Variants in TBX20 observed in about 807,000 individuals in gnomAD.
The protein encoded by TBX20 is T-box transcription factor 20.
TBX20 carries 8 observed loss-of-function variants against 42.9 expected under a neutral mutation model. The observed-to-expected ratio is 0.19, with a 90% confidence interval of 0.11 to 0.34. The LOEUF (loss-of-function observed/expected upper bound fraction) is 0.34, where lower values mean the gene tolerates loss of function less well. Ranked by LOEUF, TBX20 falls within the 10% of genes least tolerant of loss-of-function variation. TBX20 has a pLI of 1.00. For synonymous variants in TBX20, 198 were observed against 222.8 expected (o/e 0.89, Z 0.99); for missense variants, 411 against 566.0 (o/e 0.73, Z 2.78).
intron 5 of TBX20, among the ~76,000 whole-genome samples, chr7:35,232,803 T>C (rs1344095119): frequency 3.3e-5 from 5 of 152,136 alleles, no homozygotes; most frequent in African/African-American, 1.2e-4. Context: ...GGTGGGCAGA[T>C]CATAAGGTCA....
intron 6 of TBX20, among the ~76,000 whole-genome samples, chr7:35,219,242 T>G (rs141809331): frequency 1.3e-5 from 2 of 151,968 alleles, no homozygotes; most frequent in Admixed American, 6.6e-5. Flanking sequence ...GCAGAAAACT[T>G]TTTTCTGTAA....
At chr7:35,237,813 TG>T (rs1789995217) in intron 5 of TBX20, among the ~76,000 whole-genome samples, 1 of 152,080 alleles carries the variant, frequency 6.6e-6, no homozygotes, top group Admixed American at 6.6e-5. Context: ...CTGTTAAGGA[TG>T]ATCATCATCG....
At chr7:35,239,994 C>T (rs982138439) in intron 5 of TBX20, among the ~76,000 whole-genome samples, 1 of 152,156 alleles carries the variant, frequency 6.6e-6, no homozygotes, top group African/African-American at 2.4e-5. Context: ...AGGTGATCCA[C>T]CCACCCTGGC....
rs543215228 is a variant in TBX20, at chr7:35,252,318, T to C, written c.127+1176A>G. ...GATTGTCTCCATTCTTTGGCAGGTT[T>C]AGATTTAGATGGGAGGTGGGTGGGA... On this transcript the variant is annotated intron_variant, in intron 1 of 7. Transcript: ENST00000408931. Among the ~76,000 whole-genome samples the C allele has an allele frequency of 2.0e-5, 3 of 152,288 alleles. No individual in the cohort carries two copies. In the East Asian group the frequency reaches 5.8e-4, roughly 29 times the overall value.
chr7:35,202,915 G>T (rs529461529), intron 7 of TBX20, 145 bp from the exon 8 acceptor site: 2 of 1,447,604 alleles, frequency 1.4e-6, no homozygotes, highest in Admixed American at 4.2e-5. Flanking sequence ...GATCTGTCAC[G>T]AGGCAAATCT....
intron 6 of TBX20, among the ~76,000 whole-genome samples, chr7:35,229,319 G>T (rs978544195): frequency 2.0e-5 from 3 of 152,104 alleles, no homozygotes; most frequent in Non-Finnish European, 4.4e-5. Context: ...TTACTAGATG[G>T]TTTAGTGCAG....
Position 35,249,924 on chromosome 7 carries a change from A to G in TBX20, c.380+27T>C. 6.3e-7 allele frequency: 1 copy of G among 1,580,268 alleles called. No individual in the cohort carries two copies. Among genetic ancestry groups the G allele is most frequent in the South Asian group, 1.2e-5 (1 of 84,978 alleles). The stretch of plus-strand genomic sequence containing the variant: ...GGGAGTGTCCTGACTCTCCACCCCC[A>G]ACCCCCAACCCCCAAGTCCCAACTA... On this transcript the variant is annotated intron_variant, in intron 2 of 7. Transcript: ENST00000408931. This position sits in a 1 kb window ranked among gnomAD's most constrained non-coding sequence, Gnocchi z 4.3.
chr7:35,235,800 A>C (rs1039676664), intron 5 of TBX20, among the ~76,000 whole-genome samples: 1 of 152,142 alleles, frequency 6.6e-6, no homozygotes, highest in Admixed American at 6.5e-5. Context: ...TGCAAAAGAG[A>C]AGGGGACCTT....
intron 6 of TBX20, among the ~76,000 whole-genome samples, chr7:35,219,063 C>G (rs1472111905): frequency 6.6e-6 from 1 of 152,126 alleles, no homozygotes; most frequent in African/African-American, 2.4e-5. Context: ...GTTATAACAG[C>G]CCAGTTGAAC....
chr7:35,221,519 A>C (rs1789684358), intron 6 of TBX20, among the ~76,000 whole-genome samples: 1 of 152,180 alleles, frequency 6.6e-6, no homozygotes, highest in Non-Finnish European at 1.5e-5. Flanking sequence ...CCAACAAAGA[A>C]AGACAATGGG....
At chr7:35,237,430 T>C (rs1789986722) in intron 5 of TBX20, among the ~76,000 whole-genome samples, 1 of 151,802 alleles carries the variant, frequency 6.6e-6, no homozygotes, top group South Asian at 2.1e-4. Flanking sequence ...TTAGCTGTGA[T>C]AAAGATGTTG....
At chr7:35,235,881 T>C (rs553718505) in intron 5 of TBX20, among the ~76,000 whole-genome samples, 9 of 152,206 alleles carry the variant, frequency 5.9e-5, no homozygotes, top group Non-Finnish European at 8.8e-5. Context: ...CAAGGTAAAA[T>C]TGGCCCTCAG....
intron 6 of TBX20, among the ~76,000 whole-genome samples, chr7:35,227,332 G>A (rs955182408): frequency 6.6e-5 from 10 of 152,094 alleles, no homozygotes; most frequent in African/African-American, 2.4e-4. Flanking sequence ...AAAGTCTACA[G>A]TAGTGTACAG....
At chr7:35,216,101 CT>C (rs1409365652) in intron 6 of TBX20, among the ~76,000 whole-genome samples, 1 of 152,170 alleles carries the variant, frequency 6.6e-6, no homozygotes, top group African/African-American at 2.4e-5. Context: ...CACTACTACG[CT>C]GCTGGCCCTT....
intron 6 of TBX20, among the ~76,000 whole-genome samples, chr7:35,209,820 C>G (rs1789463032): frequency 6.6e-6 from 1 of 152,182 alleles, no homozygotes; most frequent in African/African-American, 2.4e-5. Flanking sequence ...AATGTTTTAG[C>G]AGAATCCTGC....
In TBX20 at chr7:35,249,438, C is replaced by A. The variant is rs1171925208; in HGVS notation, c.380+513G>T. ...GCCCGGCTCTGGCGCCAAGAGGCCCCGAGCAGTGCTCCTTCCTACAGGGAA... is the reference window on the plus strand; with the variant it reads ...GCCCGGCTCTGGCGCCAAGAGGCCCAGAGCAGTGCTCCTTCCTACAGGGAA... On this transcript the variant is annotated intron_variant, in intron 2 of 7. Transcript: ENST00000408931. The surrounding 1 kb of genome is among the most constrained non-coding windows in gnomAD (Gnocchi z 4.3). Among the ~76,000 whole-genome samples, 1 of 152,238 alleles carries A rather than the reference C, an allele frequency of 6.6e-6. No homozygotes were observed. The highest frequency in any genetic ancestry group is 6.5e-5 in the Admixed American group (1 of 15,286).
At chr7:35,235,206 C>T (rs1422683895) in intron 5 of TBX20, among the ~76,000 whole-genome samples, 2 of 148,618 alleles carry the variant, frequency 1.3e-5, no homozygotes, top group African/African-American at 5.0e-5. Context: ...GTTTATGCCA[C>T]AATATTTAAA....
chr7:35,217,693 T>A (rs1414096173), intron 6 of TBX20, among the ~76,000 whole-genome samples: 2 of 152,214 alleles, frequency 1.3e-5, no homozygotes, highest in Admixed American at 1.3e-4. Flanking sequence ...AGATTTTGAT[T>A]TTATTAAATT....
chr7:35,248,578 G>C (rs762013802), intron 3 of TBX20, 99 bp downstream of exon 3: 3 of 1,356,330 alleles, frequency 2.2e-6, no homozygotes, highest in Non-Finnish European at 3.1e-6. Flanking sequence ...GCCAGAGCCC[G>C]CTGCTTTAAA....
Sources: allele counts gnomAD v4.1 joint callset (sites outside exome capture counted in the v4.1 genomes callset), GRCh38; gene constraint gnomAD v4.1.1; non-coding constraint Gnocchi (gnomAD v3.1); transcripts MANE v1.5; gene names NCBI Gene and HGNC (gene_info 2026-07-23, HGNC 2026-07-21).